CYP20A1: variants seen among roughly 807,000 people sequenced by gnomAD.
CYP20A1 encodes the protein cytochrome P450 20A1.
In CYP20A1, 61 loss-of-function variants were observed where a neutral mutation model predicts 61.4. The observed-to-expected ratio is 0.99, with a 90% CI of 0.81 to 1.23. The LOEUF (loss-of-function observed/expected upper bound fraction) is 1.23. Ranked by LOEUF, CYP20A1 falls within the 50% of genes most tolerant of loss-of-function variation. CYP20A1 has a pLI of 0.00. For missense variants in CYP20A1, 530 were observed against 542.4 expected (o/e 0.98, Z 0.23); for synonymous variants, 193 against 188.2 (o/e 1.03, Z -0.21).
At position 203,289,657 on chromosome 2, in the gene CYP20A1, T is replaced by C. The variant is rs188285615; in HGVS notation, c.972-108T>C. 3.3e-5 allele frequency: 16 copies of C among 489,778 alleles called. No homozygotes were observed. The East Asian group carries it at 5.3e-4, about 16-fold the overall frequency. The allele number at this position is 489,778 out of a possible 1,614,324, so 30.3% of individuals were successfully genotyped here. On this transcript the variant is annotated intron_variant, in intron 9 of 12. Transcript: ENST00000356079. Reference sequence around the variant, plus strand: ...AGATAAGAATTATGATGGGACTATTTCAAGTTGGGAATGTTTGAGCAGTTG... The same window carrying C: ...AGATAAGAATTATGATGGGACTATTCCAAGTTGGGAATGTTTGAGCAGTTG...
chr2:203,288,539 A>G (rs983152732), intron 9 of CYP20A1, among the ~76,000 whole-genome samples: 5 of 152,006 alleles, frequency 3.3e-5, no homozygotes, highest in African/African-American at 9.7e-5. Flanking sequence ...CCCTTTGATG[A>G]TGTATCTCTT....
At chr2:203,289,955 T>TA in intron 10 of CYP20A1, 79 bp downstream of exon 10, 2 of 574,764 alleles carry the variant, frequency 3.5e-6, no homozygotes, top group Non-Finnish European at 5.5e-6. Context: ...TATATATATA[T>TA]TTTAGACAGA....
At chr2:203,285,237 A>G (rs1405169313) in intron 8 of CYP20A1, among the ~76,000 whole-genome samples, 1 of 152,158 alleles carries the variant, frequency 6.6e-6, no homozygotes, top group East Asian at 1.9e-4. Flanking sequence ...AAATCGGCCT[A>G]ATAAGGTTGA....
Position 203,259,102 on chromosome 2 carries a change from C to CT in CYP20A1, c.432+6996dup, listed in dbSNP as rs1339867555. On this transcript the variant is annotated intron_variant, in intron 4 of 12. Transcript: ENST00000356079. ...TTTATCACAGGCTCTGTTCTCCAAA[C>CT]TTTCAGTCTTTTCTGTTGTTCCATA... Among the ~76,000 whole-genome samples the CT allele has an allele frequency of 2.0e-5, 3 of 152,186 alleles. 1 individual carries two copies. The highest frequency in any genetic ancestry group is 7.2e-5 in the African/African-American group (3 of 41,448).
chr2:203,263,546 C>G (rs1454852984), intron 4 of CYP20A1, among the ~76,000 whole-genome samples: 3 of 152,062 alleles, frequency 2.0e-5, no homozygotes, highest in Non-Finnish European at 2.9e-5. Flanking sequence ...CCTCGGCCCC[C>G]CAAAATGCTG....
At chr2:203,296,425 A>G (rs760395966) in intron 11 of CYP20A1, 49 bp from the exon 12 acceptor site, 27 of 1,151,402 alleles carry the variant, frequency 2.3e-5, no homozygotes, top group Non-Finnish European at 3.3e-5. Flanking sequence ...GTCAACATGT[A>G]AGATGCCAGT....
chr2:203,264,179 G>T (rs981854013), intron 4 of CYP20A1, among the ~76,000 whole-genome samples: 5 of 151,826 alleles, frequency 3.3e-5, no homozygotes, highest in African/African-American at 7.3e-5. Flanking sequence ...TAGAGTTGAG[G>T]TATCACTGTG....
At position 203,285,704 on chromosome 2, in the gene CYP20A1, G is replaced by A. The variant is rs144732080; in HGVS notation, c.943G>A (p.Val315Ile). Residue 315 changes from valine to isoleucine, a missense_variant, in exon 9 of 13, where the codon GTT (valine) becomes ATT (isoleucine). By Grantham distance (29) the Val-to-Ile change is conservative (BLOSUM62 3). Coordinates refer to ENST00000356079, the MANE Select transcript of CYP20A1 (RefSeq NM_177538.3). ...AAACCAAGTTTTTGGAAATGGTCCT[G>A]TTACTCCAGAGAAAATTGAGCAGCT... Reference protein sequence around the residue: ...EINQVFGNGPVTPEKIEQLRY... With the variant: ...EINQVFGNGPITPEKIEQLRY... 13 of 1,600,420 alleles carry A rather than the reference G, an allele frequency of 8.1e-6. No individual in the cohort carries two copies. In the East Asian group the frequency reaches 1.6e-4, roughly 19 times the overall value.
intron 4 of CYP20A1, among the ~76,000 whole-genome samples, chr2:203,254,404 G>T (rs192656386): frequency 6.6e-6 from 1 of 152,010 alleles, no homozygotes; most frequent in East Asian, 1.9e-4. Context: ...AATTAGCTGC[G>T]TGTGGTAGCA....
intron 4 of CYP20A1, among the ~76,000 whole-genome samples, chr2:203,260,115 C>T (rs1369370700): frequency 6.6e-6 from 1 of 151,928 alleles, no homozygotes; most frequent in African/African-American, 2.4e-5. Flanking sequence ...TTAGTAGAGA[C>T]AGGGTTTCAC....
rs1575302497 is a variant in CYP20A1 at position 203,305,260 on chromosome 2, G to A, written c.*8352G>A. Among the ~76,000 whole-genome samples the A allele has an allele frequency of 7.4e-6, 1 of 135,534 alleles. No homozygotes were observed. Among genetic ancestry groups the A allele is most frequent in the Non-Finnish European group, 1.5e-5 (1 of 65,776 alleles). The allele number at this position is 135,534 out of a possible 152,430, so 88.9% of individuals were successfully genotyped here. On this transcript the variant is annotated 3_prime_UTR_variant, in exon 13 of 13. Transcript: ENST00000356079. ...TCTGTCACCAGGCTGGAGTGCAGTGGTGCAATCTCAGCTCACTGCAACCTC... is the reference window on the plus strand; with the variant it reads ...TCTGTCACCAGGCTGGAGTGCAGTGATGCAATCTCAGCTCACTGCAACCTC...
At chr2:203,261,024 T>A (rs1322959045) in intron 4 of CYP20A1, among the ~76,000 whole-genome samples, 1 of 151,980 alleles carries the variant, frequency 6.6e-6, no homozygotes, top group Non-Finnish European at 1.5e-5. Flanking sequence ...TCTGTATGGG[T>A]CCATTGGGAG....
chr2:203,288,848 A>AT (rs769280034), intron 9 of CYP20A1, among the ~76,000 whole-genome samples: 26 of 152,270 alleles, frequency 1.7e-4, no homozygotes, highest in Middle Eastern at 6.8e-3. Context: ...ACTGCCTCTG[A>AT]TTTTAATCTG....
In CYP20A1 at chr2:203,301,914, CTTTTTT is replaced by C. The variant is rs763764173; in HGVS notation, c.*5023_*5028del. Among the ~76,000 whole-genome samples the C allele has an allele frequency of 1.9e-4, 20 of 103,570 alleles. No individual in the cohort carries two copies. Among genetic ancestry groups the C allele is most frequent in the Middle Eastern group, 7.5e-3 (1 of 134 alleles). The allele number at this position is 103,570 out of a possible 152,430, so 67.9% of individuals were successfully genotyped here. A position where few individuals can be genotyped will look rare whatever the true frequency, so the allele number is the denominator to read the frequency against. On this transcript the variant is annotated 3_prime_UTR_variant, in exon 13 of 13. Coordinates refer to ENST00000356079, the MANE Select transcript of CYP20A1 (RefSeq NM_177538.3). ...TTTGAAGTTAACCACTGTTAAGATTCTTTTTTTTTTTTTTTTTTTTTTGTTTTGAGA... is the reference window on the plus strand; with the variant it reads ...TTTGAAGTTAACCACTGTTAAGATTCTTTTTTTTTTTTTTTTGTTTTGAGA...
chr2:203,268,603 T>G (rs1314811585), intron 5 of CYP20A1, among the ~76,000 whole-genome samples: 1 of 151,840 alleles, frequency 6.6e-6, no homozygotes, highest in Non-Finnish European at 1.5e-5. Flanking sequence ...TGTTTTTTTT[T>G]TTGTTTGTTT....
intron 5 of CYP20A1, 38 bp from the exon 6 acceptor site, chr2:203,272,632 C>A: frequency 1.5e-6 from 2 of 1,305,186 alleles, no homozygotes; most frequent in Non-Finnish European, 2.1e-6. Flanking sequence ...AAAATTCTAC[C>A]TATTAGATAA....
intron 1 of CYP20A1, among the ~76,000 whole-genome samples, chr2:203,242,008 A>AT (rs977258861): frequency 2.0e-5 from 3 of 151,992 alleles, no homozygotes; most frequent in Admixed American, 6.6e-5. Flanking sequence ...CACACAGCTA[A>AT]TTTTTTTATT....
At chr2:203,288,051 TTC>T (rs1486756802) in intron 9 of CYP20A1, among the ~76,000 whole-genome samples, 38 of 24,162 alleles carry the variant, frequency 1.6e-3, no homozygotes, top group African/African-American at 3.1e-3. Flanking sequence ...CTGTGTTTAT[TTC>T]TCTCTCTCTT....
chr2:203,266,777 T>TA (rs34721236), intron 5 of CYP20A1, 96 bp downstream of exon 5: 19,673 of 1,017,904 alleles, frequency 0.019, 266 homozygotes, highest in Non-Finnish European at 0.022. Context: ...AGTCAGGAGT[T>TA]AAAGACCAGC....
Sources: gnomAD v4.1 joint callset for allele counts (sites outside exome capture counted in the v4.1 genomes callset) on GRCh38, gnomAD v4.1.1 for gene constraint, MANE v1.5 for transcripts, NCBI Gene and HGNC (gene_info 2026-07-23, HGNC 2026-07-21) for gene names.